SNTG1: variants seen among roughly 807,000 people sequenced by gnomAD.
SNTG1 encodes the protein syntrophin gamma 1.
In SNTG1, 39 loss-of-function variants were observed where a neutral mutation model predicts 74.7. The ratio of observed to expected loss-of-function variants is 0.52; its 90% CI spans 0.40 to 0.68. The LOEUF is 0.68. SNTG1 is among the 30% of genes least tolerant of loss of function. The pLI, the probability that SNTG1 is intolerant of heterozygous loss-of-function variation, is 0.00. For synonymous variants in SNTG1, 254 were observed against 217.1 expected, an observed-to-expected ratio of 1.17 and a Z score of -1.49; for missense variants, 685 against 609.5, an observed-to-expected ratio of 1.12 and a Z score of -1.30.
At chr8:49,950,439 C>A (rs969883645) in intron 1 of SNTG1, among the ~76,000 whole-genome samples, 5 of 151,998 alleles carry the variant, frequency 3.3e-5, no homozygotes, top group African/African-American at 1.2e-4. Flanking sequence ...AATATTTATG[C>A]TATTTTTAAA....
At chr8:50,367,709 T>G (rs1319197218) in intron 2 of SNTG1, among the ~76,000 whole-genome samples, 1 of 152,168 alleles carries the variant, frequency 6.6e-6, no homozygotes, top group Non-Finnish European at 1.5e-5. Flanking sequence ...CCTGTGATTG[T>G]TAATTTTTTG....
At chr8:50,321,214 C>G (rs2090516260) in intron 2 of SNTG1, among the ~76,000 whole-genome samples, 1 of 151,956 alleles carries the variant, frequency 6.6e-6, no homozygotes, top group Admixed American at 6.6e-5. Flanking sequence ...TCTGGGTGCT[C>G]CAATGTTGGG....
intron 9 of SNTG1, among the ~76,000 whole-genome samples, chr8:50,514,617 A>G (rs1585534841): frequency 6.6e-6 from 1 of 152,316 alleles, no homozygotes; most frequent in African/African-American, 2.4e-5. Context: ...AATCTTCTTA[A>G]ATTTAATAAG....
chr8:50,628,803 A>G (rs536535848), intron 13 of SNTG1, among the ~76,000 whole-genome samples: 113 of 152,338 alleles, frequency 7.4e-4, no homozygotes, highest in African/African-American at 2.6e-3. Context: ...TTAGAATGAC[A>G]TGAACAAATA....
chr8:50,677,311 G>A (rs1221503928), intron 15 of SNTG1, among the ~76,000 whole-genome samples: 1 of 151,860 alleles, frequency 6.6e-6, no homozygotes, highest in Non-Finnish European at 1.5e-5. Flanking sequence ...TATGAATTGT[G>A]AATAAATCGA....
chr8:50,175,310 T>C (rs1377615827), intron 2 of SNTG1, among the ~76,000 whole-genome samples: 2 of 152,206 alleles, frequency 1.3e-5, no homozygotes, highest in Non-Finnish European at 2.9e-5. Context: ...GCGAGTGATC[T>C]AGAACTTGGC....
chr8:50,456,818 T>G (rs2093510680), intron 8 of SNTG1, among the ~76,000 whole-genome samples: 1 of 152,004 alleles, frequency 6.6e-6, no homozygotes, highest in Admixed American at 6.6e-5. Flanking sequence ...AAAAACAGGA[T>G]ACATCTCAGA....
chr8:50,160,066 C>A (rs2082368384), intron 1 of SNTG1, among the ~76,000 whole-genome samples: 1 of 152,140 alleles, frequency 6.6e-6, no homozygotes, highest in Admixed American at 6.5e-5. Flanking sequence ...TTATGCAGGA[C>A]AACATATTGA....
rs145482565 is a variant in SNTG1 at position 50,500,830 on chromosome 8, G to A, written c.364-1948G>A. On this transcript the variant is annotated intron_variant, in intron 8 of 18. Transcript: ENST00000642720. Reference sequence around the variant, plus strand: ...GGGATTGTTTGAAGGGATGGAAAAAGCTTTCCCAGGTCAGTGCTGGTTATG... The same window carrying A: ...GGGATTGTTTGAAGGGATGGAAAAAACTTTCCCAGGTCAGTGCTGGTTATG... Among the ~76,000 whole-genome samples the A allele has an allele frequency of 1.7e-3, 259 of 152,246 alleles. 1 individual carries two copies. Among genetic ancestry groups the A allele is most frequent in the African/African-American group, 6.0e-3 (250 of 41,542 alleles).
intron 1 of SNTG1, among the ~76,000 whole-genome samples, chr8:49,999,427 C>T (rs758171486): frequency 3.0e-4 from 46 of 152,250 alleles, no homozygotes; most frequent in Admixed American, 1.2e-3. Flanking sequence ...ATTCACTCTC[C>T]TCCAGTCTAT....
intron 1 of SNTG1, among the ~76,000 whole-genome samples, chr8:50,118,111 G>A (rs145707462): frequency 6.6e-6 from 1 of 152,192 alleles, no homozygotes; most frequent in Non-Finnish European, 1.5e-5. Flanking sequence ...TAAAAAATAA[G>A]GCTGCATACC....
chr8:49,982,315 T>A (rs1165816978), intron 1 of SNTG1, among the ~76,000 whole-genome samples: 1 of 151,978 alleles, frequency 6.6e-6, no homozygotes, highest in Non-Finnish European at 1.5e-5. Flanking sequence ...AAATATTTTG[T>A]GAGTTCAGGT....
intron 2 of SNTG1, among the ~76,000 whole-genome samples, chr8:50,308,928 A>C (rs2090001880): frequency 6.6e-6 from 1 of 152,014 alleles, no homozygotes; most frequent in South Asian, 2.1e-4. Flanking sequence ...CTATTCATAA[A>C]CTAGATTTTT....
chr8:50,570,083 C>T (rs758019755), intron 12 of SNTG1, among the ~76,000 whole-genome samples: 5 of 151,704 alleles, frequency 3.3e-5, no homozygotes, highest in Non-Finnish European at 4.4e-5. Context: ...CAGTACTCAC[C>T]GGAACTTAAT....
At chr8:50,098,425 A>C (rs539240089) in intron 1 of SNTG1, among the ~76,000 whole-genome samples, 1 of 152,322 alleles carries the variant, frequency 6.6e-6, no homozygotes, top group South Asian at 2.1e-4. Flanking sequence ...ATTATTCCCT[A>C]AATAATACCA....
rs575219182 is a variant in SNTG1 at position 50,373,229 on chromosome 8, TG to T, written c.-27-20981del. 2.6e-5 allele frequency among the ~76,000 whole-genome samples: 4 copies of T among 152,366 alleles called. No individual in the cohort carries two copies. In the East Asian group the frequency reaches 7.7e-4, roughly 29 times the overall value. ...AAGATAAACAAATTGTAATTCTTTTTGGTTAGTGATTATTAAACTCCCAGAT... is the reference window on the plus strand; with the variant it reads ...AAGATAAACAAATTGTAATTCTTTTTGTTAGTGATTATTAAACTCCCAGAT... On this transcript the variant is annotated intron_variant, in intron 2 of 18. Coordinates refer to ENST00000642720, the MANE Select transcript of SNTG1 (RefSeq NM_018967.5).
At chr8:50,392,328 C>T (rs1051194622) in intron 2 of SNTG1, among the ~76,000 whole-genome samples, 16 of 152,168 alleles carry the variant, frequency 1.1e-4, no homozygotes, top group African/African-American at 3.9e-4. Flanking sequence ...ATGAGCTGAG[C>T]CCTGGAGGTG....
At chr8:50,659,389 G>A (rs1249198843) in intron 15 of SNTG1, among the ~76,000 whole-genome samples, 1 of 152,154 alleles carries the variant, frequency 6.6e-6, no homozygotes, top group Non-Finnish European at 1.5e-5. Flanking sequence ...CCTGCATAAG[G>A]TTGACCTTGT....
intron 1 of SNTG1, among the ~76,000 whole-genome samples, chr8:49,956,454 TA>T (rs1810179795): frequency 6.6e-6 from 1 of 152,212 alleles, no homozygotes; most frequent in African/African-American, 2.4e-5. Flanking sequence ...ATGTGGGTGG[TA>T]AGTAAGTTTG....
Sources: gnomAD v4.1 joint callset for allele counts (sites outside exome capture counted in the v4.1 genomes callset) on GRCh38, gnomAD v4.1.1 for gene constraint, MANE v1.5 for transcripts, NCBI Gene and HGNC (gene_info 2026-07-23, HGNC 2026-07-21) for gene names.